Variants in KCNK3 observed in about 807,000 individuals in gnomAD.
The protein encoded by KCNK3 is potassium channel subfamily K member 3.
A neutral mutation model predicts 27.3 loss-of-function variants in KCNK3; 9 were observed. The observed-to-expected ratio is 0.33, with a 90% CI of 0.20 to 0.57. The LOEUF (loss-of-function observed/expected upper bound fraction) is 0.57. KCNK3 is among the 20% of genes least tolerant of loss of function. KCNK3 has a pLI of 0.87. For missense variants in KCNK3, 391 were observed against 577.7 expected (o/e 0.68, Z 3.31); for synonymous variants, 278 against 273.8 (o/e 1.02, Z -0.15).
intron 1 of KCNK3, among the ~76,000 whole-genome samples, chr2:26,713,271 AC>A (rs1332240120): frequency 1.3e-5 from 2 of 152,106 alleles, no homozygotes; most frequent in African/African-American, 4.8e-5. Flanking sequence ...GACTCCAGTG[AC>A]TCTGCAGCAG....
intron 1 of KCNK3, among the ~76,000 whole-genome samples, chr2:26,712,847 C>T (rs936310031): frequency 1.3e-5 from 2 of 152,286 alleles, no homozygotes; most frequent in South Asian, 2.1e-4. Context: ...TGCCAACCTA[C>T]ACCATCTGAG....
At chr2:26,698,509 C>T (rs945141027) in intron 1 of KCNK3, among the ~76,000 whole-genome samples, 1 of 152,150 alleles carries the variant, frequency 6.6e-6, no homozygotes, top group Non-Finnish European at 1.5e-5. Flanking sequence ...AAAGAAAGTG[C>T]CTGGTACAGA....
At chr2:26,700,154 C>T (rs113917963) in intron 1 of KCNK3, among the ~76,000 whole-genome samples, 53 of 152,308 alleles carry the variant, frequency 3.5e-4, no homozygotes, top group African/African-American at 1.2e-3. Context: ...GACTAAAATC[C>T]AGGCTGGAGA....
chr2:26,725,301 G>A (rs1663396182), intron 1 of KCNK3, among the ~76,000 whole-genome samples: 1 of 152,192 alleles, frequency 6.6e-6, no homozygotes, highest in Non-Finnish European at 1.5e-5. Context: ...AGTCTCTCCT[G>A]TGCTCCTGCA....
At chr2:26,711,935 G>A (rs1391261107) in intron 1 of KCNK3, among the ~76,000 whole-genome samples, 1 of 152,158 alleles carries the variant, frequency 6.6e-6, no homozygotes, top group Non-Finnish European at 1.5e-5. Flanking sequence ...GAGATTGCCT[G>A]GGTCCTCGGG....
chr2:26,700,129 A>G (rs1008725308), intron 1 of KCNK3, among the ~76,000 whole-genome samples: 4 of 152,204 alleles, frequency 2.6e-5, no homozygotes, highest in Non-Finnish European at 5.9e-5. Context: ...CAATCCTCTC[A>G]GTTCACAGTT....
At position 26,716,041 on chromosome 2, in the gene KCNK3, G is replaced by A. The variant is rs1464394518; in HGVS notation, c.284-11626G>A. On this transcript the variant is annotated intron_variant, in intron 1 of 1. Transcript: ENST00000302909. ...TCTTCATTTCCCAGAAGAAGCGCTC[G>A]AGGCCCAGAGAGGGGCAGCGTCTTG... Among the ~76,000 whole-genome samples, 3 of 152,182 alleles carry A rather than the reference G, an allele frequency of 2.0e-5. No individual in the cohort carries two copies. The East Asian group carries it at 5.8e-4, about 29-fold the overall frequency.
At chr2:26,704,789 T>G (rs899845832) in intron 1 of KCNK3, among the ~76,000 whole-genome samples, 3 of 152,258 alleles carry the variant, frequency 2.0e-5, no homozygotes, top group African/African-American at 7.2e-5. Context: ...TGCCCTGGAC[T>G]GTTCCACACA....
chr2:26,701,026 G>T (rs1200462705), intron 1 of KCNK3, among the ~76,000 whole-genome samples: 1 of 152,222 alleles, frequency 6.6e-6, no homozygotes, highest in Non-Finnish European at 1.5e-5. Flanking sequence ...TGAATCAGCA[G>T]GTCTGGGGCA....
chr2:26,711,797 A>G (rs1424466105), intron 1 of KCNK3, among the ~76,000 whole-genome samples: 1 of 152,234 alleles, frequency 6.6e-6, no homozygotes. Context: ...GATCAGTGAC[A>G]GAGGCATTTA....
At chr2:26,701,520 C>A (rs1281481180) in intron 1 of KCNK3, among the ~76,000 whole-genome samples, 1 of 152,250 alleles carries the variant, frequency 6.6e-6, no homozygotes, top group African/African-American at 2.4e-5. Flanking sequence ...CAATGGAAAA[C>A]CGGTACCCCA....
intron 1 of KCNK3, among the ~76,000 whole-genome samples, chr2:26,705,754 T>A (rs1455899116): frequency 1.3e-5 from 2 of 151,874 alleles, no homozygotes; most frequent in Non-Finnish European, 2.9e-5. Context: ...CTGAACAGGA[T>A]GGGAATCTGA....
chr2:26,704,217 C>G (rs1670342416), intron 1 of KCNK3, among the ~76,000 whole-genome samples: 1 of 152,174 alleles, frequency 6.6e-6, no homozygotes, highest in Non-Finnish European at 1.5e-5. Context: ...AAGTTCCACT[C>G]TGGAGCTCAC....
chr2:26,708,159 G>A (rs565047393), intron 1 of KCNK3, among the ~76,000 whole-genome samples: 11 of 152,348 alleles, frequency 7.2e-5, no homozygotes, highest in Non-Finnish European at 1.0e-4. Context: ...GGATGAGAGT[G>A]AGAGGGAGAG....
At chr2:26,712,015 C>T (rs1405922462) in intron 1 of KCNK3, among the ~76,000 whole-genome samples, 2 of 152,110 alleles carry the variant, frequency 1.3e-5, no homozygotes, top group African/African-American at 4.8e-5. Context: ...AAACAGGCAG[C>T]CTCTATAGAT....
intron 1 of KCNK3, among the ~76,000 whole-genome samples, chr2:26,725,729 C>T (rs1243633491): frequency 1.3e-5 from 2 of 152,162 alleles, no homozygotes; most frequent in East Asian, 1.9e-4. Flanking sequence ...GTTACTGGCC[C>T]GACGCTGTGG....
intron 1 of KCNK3, among the ~76,000 whole-genome samples, chr2:26,715,211 C>T (rs1020251071): frequency 6.6e-6 from 1 of 152,342 alleles, no homozygotes. Context: ...TCTCAGTTTC[C>T]TTATCTGCAA....
intron 1 of KCNK3, among the ~76,000 whole-genome samples, chr2:26,726,362 A>G (rs1238811708): frequency 6.6e-6 from 1 of 152,142 alleles, no homozygotes; most frequent in African/African-American, 2.4e-5. Flanking sequence ...TTGGCCCTGG[A>G]ATTACAAGCT....
At chr2:26,699,166 A>C (rs1237229594) in intron 1 of KCNK3, among the ~76,000 whole-genome samples, 2 of 148,486 alleles carry the variant, frequency 1.3e-5, no homozygotes, top group Non-Finnish European at 3.0e-5. Context: ...CAACACAGCA[A>C]GACTCCGTCT....
Sources: allele counts gnomAD v4.1 joint callset (sites outside exome capture counted in the v4.1 genomes callset), GRCh38; gene constraint gnomAD v4.1.1; transcripts MANE v1.5; gene names NCBI Gene and HGNC (gene_info 2026-07-23, HGNC 2026-07-21).